Variants in AJAP1 observed in about 807,000 individuals in gnomAD.
AJAP1 encodes adherens junction-associated protein 1.
Under a neutral mutation model 35.0 loss-of-function variants are expected in AJAP1, and 5 were observed. The observed-to-expected ratio is 0.14, with a 90% CI of 0.07 to 0.30. The LOEUF (loss-of-function observed/expected upper bound fraction) is 0.30. AJAP1 is among the 10% of genes least tolerant of loss of function. The pLI, the probability that AJAP1 is intolerant of heterozygous loss-of-function variation, is 1.00. For synonymous variants in AJAP1, 284 were observed against 249.3 expected, an observed-to-expected ratio of 1.14 and a Z score of -1.31; for missense variants, 586 against 571.0, an observed-to-expected ratio of 1.03 and a Z score of -0.27.
At chr1:4,659,477 A>G (rs1456917985) in intron 1 of AJAP1, among the ~76,000 whole-genome samples, 1 of 152,118 alleles carries the variant, frequency 6.6e-6, no homozygotes, top group African/African-American at 2.4e-5. Context: ...GTGAGTCATG[A>G]GGCCTCGGAG....
chr1:4,687,747 C>T (rs150770545), intron 1 of AJAP1, among the ~76,000 whole-genome samples: 4 of 152,336 alleles, frequency 2.6e-5, no homozygotes, highest in African/African-American at 4.8e-5. Flanking sequence ...CCAGGCAGAA[C>T]GCCCAGCCCA....
intron 2 of AJAP1, among the ~76,000 whole-genome samples, chr1:4,736,178 CAGAAATAGTTTTCACAT>C (rs1442452737): frequency 6.6e-6 from 1 of 152,258 alleles, no homozygotes; most frequent in Non-Finnish European, 1.5e-5. Flanking sequence ...AGACCGTTGA[CAGAAATAGTTTTCACAT>C]AGTTGCCCCA....
At chr1:4,691,564 C>T (rs538576310) in intron 1 of AJAP1, among the ~76,000 whole-genome samples, 5 of 152,308 alleles carry the variant, frequency 3.3e-5, no homozygotes, top group African/African-American at 9.6e-5. Context: ...TGCCTCTTGA[C>T]CAAAAGCCCT....
intron 2 of AJAP1, among the ~76,000 whole-genome samples, chr1:4,722,317 G>C (rs1395781073): frequency 6.6e-6 from 1 of 152,240 alleles, no homozygotes; most frequent in African/African-American, 2.4e-5. Flanking sequence ...TCACAGCGCA[G>C]AGGCGATCCG....
intron 2 of AJAP1, among the ~76,000 whole-genome samples, chr1:4,753,119 G>A (rs1235797366): frequency 1.3e-5 from 2 of 152,270 alleles, no homozygotes; most frequent in East Asian, 1.9e-4. Flanking sequence ...CTGCTGGAAG[G>A]GCCCTGTGCA....
intron 2 of AJAP1, among the ~76,000 whole-genome samples, chr1:4,757,194 C>G (rs1249886584): frequency 6.6e-6 from 1 of 152,214 alleles, no homozygotes; most frequent in Non-Finnish European, 1.5e-5. Flanking sequence ...CTTTCCTTTG[C>G]CTTCAGCACA....
At chr1:4,772,618 C>G in intron 4 of AJAP1, 93 bp downstream of exon 4, 3 of 1,533,870 alleles carry the variant, frequency 2.0e-6, no homozygotes, top group Non-Finnish European at 2.6e-6. Context: ...AGCTGTTGGT[C>G]GGTTTAGGTC....
chr1:4,661,676 TAAAAC>T lies in AJAP1; in HGVS notation c.29+6225_29+6229del, dbSNP rs372089921. 3.8e-4 allele frequency among the ~76,000 whole-genome samples: 58 copies of T among 152,298 alleles called. 1 individual carries two copies. In the Middle Eastern group the frequency reaches 0.017, roughly 45 times the overall value. On this transcript the variant is annotated intron_variant, in intron 1 of 5. Transcript: ENST00000378191. Reference sequence around the variant, plus strand: ...ATTTTCAAACAACAACAACAAAAAATAAAACAAGAAGGACCCAGCTGCTGTGATGC... The same window carrying T: ...ATTTTCAAACAACAACAACAAAAAATAAGAAGGACCCAGCTGCTGTGATGC...
At chr1:4,743,466 G>T (rs1341581114) in intron 2 of AJAP1, among the ~76,000 whole-genome samples, 1 of 152,260 alleles carries the variant, frequency 6.6e-6, no homozygotes, top group African/African-American at 2.4e-5. Context: ...TACAGGAAGT[G>T]CAGCTGCCAC....
chr1:4,691,609 C>T (rs543901686), intron 1 of AJAP1, among the ~76,000 whole-genome samples: 6 of 152,118 alleles, frequency 3.9e-5, no homozygotes, highest in African/African-American at 9.7e-5. Context: ...ACTCCGGGCT[C>T]GGGGAACACC....
chr1:4,665,926 C>G (rs1006543306), intron 1 of AJAP1, among the ~76,000 whole-genome samples: 7 of 152,350 alleles, frequency 4.6e-5, no homozygotes, highest in South Asian at 2.1e-4. Context: ...GTTTGACTCC[C>G]TTCTCAGAGG....
chr1:4,745,239 C>T (rs770278311), intron 2 of AJAP1, among the ~76,000 whole-genome samples: 78 of 152,180 alleles, frequency 5.1e-4, no homozygotes, highest in Admixed American at 3.3e-4. Flanking sequence ...GCGACAATTT[C>T]CTAAATGAGT....
At position 4,772,519 on chromosome 1, in the gene AJAP1, G is replaced by A; in HGVS notation, c.1157G>A (p.Gly386Glu). ...TTGEYKSTFN[G>E]NRPSSSDRHL... ...GGGGAGTACAAATCCACATTTAATG[G>A]AAACCGGTAAGCTCGGGCTCTGCTA... The change falls in exon 4 of 6, where the codon GGA becomes GAA. Residue 386 changes from glycine to glutamate, a missense_variant. By Grantham distance (98) the Gly-to-Glu change is moderately conservative (BLOSUM62 -2). Transcript: ENST00000378191. 4 of 1,613,762 alleles carry A rather than the reference G, an allele frequency of 2.5e-6. No homozygotes were observed. Among genetic ancestry groups the A allele is most frequent in the Non-Finnish European group, 3.4e-6 (4 of 1,179,750 alleles).
intron 2 of AJAP1, among the ~76,000 whole-genome samples, chr1:4,744,130 G>T (rs892550209): frequency 2.6e-5 from 4 of 152,128 alleles, no homozygotes; most frequent in Non-Finnish European, 5.9e-5. Flanking sequence ...GAGTCATTTT[G>T]TCAAGGGCAG....
chr1:4,728,661 G>T (rs972672348), intron 2 of AJAP1, among the ~76,000 whole-genome samples: 4 of 152,150 alleles, frequency 2.6e-5, no homozygotes, highest in African/African-American at 4.8e-5. Flanking sequence ...AGACCCTCAG[G>T]CACAACTGCA....
At chr1:4,780,531 G>A (rs1191086517) in intron 5 of AJAP1, among the ~76,000 whole-genome samples, 1 of 152,066 alleles carries the variant, frequency 6.6e-6, no homozygotes, top group Non-Finnish European at 1.5e-5. Context: ...GGTGGGCAGG[G>A]GTGGGGCACA....
At chr1:4,688,858 TAACTC>T (rs943136407) in intron 1 of AJAP1, among the ~76,000 whole-genome samples, 13 of 151,842 alleles carry the variant, frequency 8.6e-5, no homozygotes, top group African/African-American at 2.9e-4. Flanking sequence ...CGAACTGTAT[TAACTC>T]AGGAAGTTCA....
chr1:4,665,077 G>A (rs1397820103), intron 1 of AJAP1, among the ~76,000 whole-genome samples: 1 of 152,032 alleles, frequency 6.6e-6, no homozygotes. Flanking sequence ...CCCCACGAGA[G>A]CTGGTTTTCA....
chr1:4,736,949 G>T (rs4654597), intron 2 of AJAP1, among the ~76,000 whole-genome samples: 19,331 of 152,082 alleles, frequency 0.13, 1,530 homozygotes, highest in Admixed American at 0.28. Flanking sequence ...TCTTCCCTGC[G>T]GGGGCTTATT....
Sources: allele counts gnomAD v4.1 joint callset (sites outside exome capture counted in the v4.1 genomes callset), GRCh38; gene constraint gnomAD v4.1.1; transcripts MANE v1.5; gene names NCBI Gene and HGNC (gene_info 2026-07-23, HGNC 2026-07-21).